The following ZBED4 variants were observed in gnomAD, a reference collection of about 807,000 sequenced individuals.
The protein encoded by ZBED4 is zinc finger BED-type containing 4, also known as zinc finger BED domain-containing protein 4.
In ZBED4, 4 loss-of-function variants were observed where a neutral mutation model predicts 15.5. The observed-to-expected ratio is 0.26, with a 90% CI of 0.13 to 0.59. ZBED4 has a LOEUF of 0.59. ZBED4 is among the 20% of genes least tolerant of loss of function. The probability of loss-of-function intolerance (pLI) is 0.90; values close to 1 mark genes in which losing one functional copy is unlikely to be tolerated. For missense variants in ZBED4, 1,323 were observed against 1,461.8 expected (o/e 0.91, Z 1.55); for synonymous variants, 692 against 608.5 (o/e 1.14, Z -2.02).
chr22:49,870,822 C>G (rs1298312560), intron 1 of ZBED4, among the ~76,000 whole-genome samples: 1 of 151,980 alleles, frequency 6.6e-6, no homozygotes, highest in African/African-American at 2.4e-5. Flanking sequence ...TGCAGAGGCT[C>G]TTTAGTTAGG....
rs2060449167 is a variant in ZBED4, at chr22:49,887,987, T to C, written c.*809T>C. On this transcript the variant is annotated 3_prime_UTR_variant, in exon 2 of 2. Coordinates refer to ENST00000216268, the MANE Select transcript of ZBED4 (RefSeq NM_014838.3). ...ACCCCCACGCCTCCGCTTCAGCATC[T>C]CCACGCTCTGAAGCTGTCTTTCAAA... is the stretch of plus-strand genomic sequence containing the variant. The C allele has an allele frequency of 6.0e-6, 1 of 167,270 alleles. No individual in the cohort carries two copies. Among genetic ancestry groups the C allele is most frequent in the African/African-American group, 2.4e-5 (1 of 41,468 alleles). The allele number at this position is 167,270 out of a possible 1,614,324, so 10.4% of individuals were successfully genotyped here. A position where few individuals can be genotyped will look rare whatever the true frequency, so the allele number is the denominator to read the frequency against.
chr22:49,864,018 G>T (rs2180403), intron 1 of ZBED4, among the ~76,000 whole-genome samples: 140,426 of 152,268 alleles, frequency 0.92, 64,855 homozygotes, highest in African/African-American at 0.98. Flanking sequence ...GTATTTTTCC[G>T]GCTCCAGACC....
Position 49,883,875 on chromosome 22 carries a change from G to C in ZBED4, c.213G>C (p.Pro71=). The change falls in exon 2 of 2, where the codon CCG becomes CCC. Residue 71 remains proline (P), a synonymous_variant. Coordinates refer to ENST00000216268, the MANE Select transcript of ZBED4 (RefSeq NM_014838.3). ...LGGTGCSCKP[P]GKYLSAESED... ...GGACGGGTTGCAGCTGCAAGCCCCC[G>C]GGGAAGTACTTGTCTGCAGAGAGTG... is the stretch of plus-strand genomic sequence containing the variant. 1 of 1,606,566 alleles carries C rather than the reference G, an allele frequency of 6.2e-7. No individual in the cohort carries two copies. Among genetic ancestry groups the C allele is most frequent in the Non-Finnish European group, 8.5e-7 (1 of 1,174,404 alleles).
intron 1 of ZBED4, among the ~76,000 whole-genome samples, chr22:49,881,409 A>G (rs1980563): frequency 0.1 from 15,353 of 152,194 alleles, 2,230 homozygotes; most frequent in African/African-American, 0.32. Context: ...TTTTTTTGAG[A>G]TAGGATCTCA....
At chr22:49,874,719 C>T (rs375960497) in intron 1 of ZBED4, among the ~76,000 whole-genome samples, 15 of 107,968 alleles carry the variant, frequency 1.4e-4, no homozygotes, top group African/African-American at 4.4e-4. Flanking sequence ...CTCACTCTGT[C>T]GCCAGGCTGG....
At chr22:49,854,389 T>TG (rs914237499) in intron 1 of ZBED4, among the ~76,000 whole-genome samples, 34 of 152,152 alleles carry the variant, frequency 2.2e-4, no homozygotes, top group Non-Finnish European at 4.6e-4. Flanking sequence ...GGGACTTCTC[T>TG]GGACGTGTCA....
At chr22:49,876,696 C>A (rs1201017698) in intron 1 of ZBED4, among the ~76,000 whole-genome samples, 1 of 151,984 alleles carries the variant, frequency 6.6e-6, no homozygotes, top group African/African-American at 2.4e-5. Flanking sequence ...CAGCGTTTAC[C>A]CCGAGATAAG....
chr22:49,855,897 T>C (rs1200934274), intron 1 of ZBED4, among the ~76,000 whole-genome samples: 12 of 152,208 alleles, frequency 7.9e-5, no homozygotes, highest in Non-Finnish European at 1.3e-4. Context: ...TAGGAATTGC[T>C]CTTATTTACA....
At chr22:49,853,325 G>A (rs991372532), upstream of ZBED4, 3 of 152,380 alleles carry the variant, frequency 2.0e-5, no homozygotes, top group Non-Finnish European at 4.4e-5. Flanking sequence ...TCCCCCGGGG[G>A]GGCCGCGCGG....
At chr22:49,866,327 C>T (rs2060322399) in intron 1 of ZBED4, among the ~76,000 whole-genome samples, 1 of 151,974 alleles carries the variant, frequency 6.6e-6, no homozygotes, top group African/African-American at 2.4e-5. Flanking sequence ...TATGTTGGAT[C>T]TTCTTTACGT....
At chr22:49,877,219 C>A (rs1320392295) in intron 1 of ZBED4, among the ~76,000 whole-genome samples, 1 of 146,622 alleles carries the variant, frequency 6.8e-6, no homozygotes, top group African/African-American at 2.5e-5. Context: ...CTTTTTTATT[C>A]ATTCTGACAA....
At chr22:49,880,393 C>T (rs2060402666) in intron 1 of ZBED4, among the ~76,000 whole-genome samples, 1 of 152,242 alleles carries the variant, frequency 6.6e-6, no homozygotes, top group Non-Finnish European at 1.5e-5. Context: ...GTAGCTCCCT[C>T]CTCTCCCGCG....
rs369894668 is a variant in ZBED4, at chr22:49,865,446, C to T, written c.-330+11457C>T. On this transcript the variant is annotated intron_variant, in intron 1 of 1. Coordinates refer to ENST00000216268, the MANE Select transcript of ZBED4 (RefSeq NM_014838.3). The stretch of plus-strand genomic sequence containing the variant: ...GGCGGAACTCCTGAGTTCAGGAGTT[C>T]GAGACCCGCCTGGCCAACATGGTGA... 2.6e-5 allele frequency among the ~76,000 whole-genome samples: 4 copies of T among 151,302 alleles called. No homozygotes were observed. The East Asian group carries it at 7.8e-4, about 29-fold the overall frequency.
chr22:49,884,428 C>T lies in ZBED4; in HGVS notation c.766C>T (p.Pro256Ser), dbSNP rs993965137. Residue 256 changes from proline (P) to serine (S), a missense_variant, in exon 2 of 2, where the codon CCC becomes TCC. Coordinates refer to ENST00000216268, the MANE Select transcript of ZBED4 (RefSeq NM_014838.3). Reference sequence around the variant, plus strand: ...AGAAGAAGCCCTGGTGGGGTCGTCTCCCCACCTCCCTGCTCTCCATTACGA... The same window carrying T: ...AGAAGAAGCCCTGGTGGGGTCGTCTTCCCACCTCCCTGCTCTCCATTACGA... ...GREEALVGSSPHLPALHYDEP... is the reference protein window; with the variant it reads ...GREEALVGSSSHLPALHYDEP... 3 of 1,614,066 alleles carry T rather than the reference C, an allele frequency of 1.9e-6. No homozygotes were observed. Among genetic ancestry groups the T allele is most frequent in the South Asian group, 2.2e-5 (2 of 91,074 alleles).
intron 1 of ZBED4, among the ~76,000 whole-genome samples, chr22:49,881,222 G>A (rs773195423): frequency 2.0e-5 from 3 of 152,212 alleles, no homozygotes; most frequent in Non-Finnish European, 2.9e-5. Context: ...CATGGCACAC[G>A]CCTGTAATCC....
intron 1 of ZBED4, among the ~76,000 whole-genome samples, chr22:49,868,662 T>A (rs117093154): frequency 1.8e-3 from 281 of 152,160 alleles, no homozygotes; most frequent in East Asian, 0.017. Context: ...AAGATAAAAA[T>A]TATAAATGAA....
In ZBED4 at chr22:49,883,331, T is replaced by C. The variant is rs1039546002; in HGVS notation, c.-329-3T>C. On this transcript the variant is annotated splice_region_variant and splice_polypyrimidine_tract_variant and intron_variant, in intron 1 of 1. Transcript: ENST00000216268. Reference sequence around the variant, plus strand: ...ATGCTTAATTTGATTTCATCTCTTATAGGTAATGCACAAGGGTCACGTGTA... The same window carrying C: ...ATGCTTAATTTGATTTCATCTCTTACAGGTAATGCACAAGGGTCACGTGTA... 2.6e-5 allele frequency: 5 copies of C among 193,070 alleles called. No homozygotes were observed. The highest frequency in any genetic ancestry group is 5.6e-5 in the Admixed American group (1 of 17,702). The allele number at this position is 193,070 out of a possible 1,614,324, so 12.0% of individuals were successfully genotyped here.
In ZBED4 at chr22:49,888,900, G is replaced by T. The variant is rs554934485; in HGVS notation, c.*1722G>T. ...GCCAGTGTCATCCTGGTGTAGAAAG[G>T]GTTGCGCACAGGATAGGAGGGAGCC... is the stretch of plus-strand genomic sequence containing the variant. On this transcript the variant is annotated 3_prime_UTR_variant, in exon 2 of 2. Transcript: ENST00000216268. The T allele has an allele frequency of 6.0e-6, 1 of 167,148 alleles. No individual in the cohort carries two copies. Among genetic ancestry groups the T allele is most frequent in the East Asian group, 1.9e-4 (1 of 5,332 alleles). The allele number at this position is 167,148 out of a possible 1,614,324, so 10.4% of individuals were successfully genotyped here.
chr22:49,876,904 C>T (rs1211879663), intron 1 of ZBED4, among the ~76,000 whole-genome samples: 2 of 152,230 alleles, frequency 1.3e-5, no homozygotes, highest in African/African-American at 4.8e-5. Flanking sequence ...GTGTTAACAT[C>T]GTTCCCAGTT....
Sources: allele counts gnomAD v4.1 joint callset (sites outside exome capture counted in the v4.1 genomes callset), GRCh38; gene constraint gnomAD v4.1.1; transcripts MANE v1.5; gene names NCBI Gene and HGNC (gene_info 2026-07-23, HGNC 2026-07-21).